Variants in PAK3 observed in about 807,000 individuals in gnomAD.
PAK3 encodes p21 (RAC1) activated kinase 3.
In PAK3, 4 loss-of-function variants were observed where a neutral mutation model predicts 41.0. The ratio of observed to expected loss-of-function variants is 0.10; its 90% confidence interval spans 0.05 to 0.22. The LOEUF (loss-of-function observed/expected upper bound fraction) is 0.22, where lower values mean the gene tolerates loss of function less well. Ranked by LOEUF, PAK3 falls within the 10% of genes least tolerant of loss-of-function variation. The pLI is 1.00. For synonymous variants in PAK3, 146 were observed against 139.6 expected (o/e 1.05, Z -0.32); for missense variants, 205 against 409.9 (o/e 0.50, Z 4.32).
chrX:110,949,575 C>T (rs2090698277), intron 1 of PAK3, among the ~76,000 whole-genome samples: 1 of 110,945 alleles, frequency 9.0e-6, no homozygotes, highest in African/African-American at 3.3e-5. Context: ...TATTGGTACA[C>T]AGCCTAGGGT....
At chrX:111,060,466 C>T (rs1031113114) in intron 1 of PAK3, among the ~76,000 whole-genome samples, 1 of 111,570 alleles carries the variant, frequency 9.0e-6, no homozygotes, top group East Asian at 2.8e-4. Flanking sequence ...AGCGTTCCCT[C>T]CTCTTCTGGT....
intron 1 of PAK3, among the ~76,000 whole-genome samples, chrX:110,985,958 A>G (rs2091535354): frequency 9.0e-6 from 1 of 111,468 alleles, no homozygotes; most frequent in African/African-American, 3.3e-5. Context: ...CTTCTCTTCA[A>G]TCTCATAATC....
chrX:111,121,866 CA>C (rs1407124687), intron 4 of PAK3, among the ~76,000 whole-genome samples: 1 of 111,006 alleles, frequency 9.0e-6, no homozygotes, highest in Admixed American at 9.6e-5. Context: ...GAGACAGAAA[CA>C]TTCCCTTGGG....
chrX:111,094,439 T>C (rs997913611), upstream of PAK3, among the ~76,000 whole-genome samples: 3 of 111,266 alleles, frequency 2.7e-5, no homozygotes, highest in Non-Finnish European at 3.8e-5. Flanking sequence ...AATACTCATA[T>C]ATGCATTAAT....
chrX:111,162,995 T>C lies in PAK3; in HGVS notation c.549T>C (p.Asp183=). The C allele has an allele frequency of 1.7e-6, 2 of 1,204,140 alleles. No homozygotes were observed. The highest frequency in any genetic ancestry group is 2.3e-4 in the Middle Eastern group (1 of 4,330). ...EEDEEEEEEE[D]ENEPPPVIAP... is the part of the protein sequence containing the mutation. ...ATGAAGAGGAAGAAGAAGAAGAAGATGAAAATGAGCCACCACCAGTTATCG... is the reference window on the plus strand; with the variant it reads ...ATGAAGAGGAAGAAGAAGAAGAAGACGAAAATGAGCCACCACCAGTTATCG... Residue 183 remains aspartate, a synonymous_variant, in exon 9 of 18, where the codon GAT becomes GAC. Coordinates refer to ENST00000372007, the MANE Select transcript of PAK3 (RefSeq NM_002578.5).
At chrX:111,059,674 C>T (rs1307988190) in intron 1 of PAK3, among the ~76,000 whole-genome samples, 1 of 110,877 alleles carries the variant, frequency 9.0e-6, no homozygotes, top group East Asian at 2.8e-4. Context: ...AAAGTTATTC[C>T]CATGTATTTT....
intron 1 of PAK3, among the ~76,000 whole-genome samples, chrX:111,019,833 CA>C (rs1158971467): frequency 9.1e-6 from 1 of 109,643 alleles, no homozygotes; most frequent in Non-Finnish European, 1.9e-5. Flanking sequence ...AAAGGCAAAT[CA>C]AAACAACAAA....
intron 1 of PAK3, among the ~76,000 whole-genome samples, chrX:111,056,114 C>T (rs1354509829): frequency 1.8e-5 from 2 of 111,768 alleles, no homozygotes; most frequent in African/African-American, 6.5e-5. Context: ...TAGTTCCAGC[C>T]CCCCAGGCAA....
chrX:111,069,776 A>G (rs772314432), intron 1 of PAK3, among the ~76,000 whole-genome samples: 11 of 111,089 alleles, frequency 9.9e-5, no homozygotes, highest in African/African-American at 3.3e-4. Flanking sequence ...TTGTTTTCCA[A>G]ATGAATAGGG....
At chrX:111,007,070 C>T (rs1393688083) in intron 1 of PAK3, among the ~76,000 whole-genome samples, 1 of 109,410 alleles carries the variant, frequency 9.1e-6, no homozygotes, top group Non-Finnish European at 1.9e-5. Flanking sequence ...ATTCCATGGG[C>T]CACCCTCAGA....
At chrX:110,981,013 G>A (rs149126359) in intron 1 of PAK3, among the ~76,000 whole-genome samples, 21 of 111,828 alleles carry the variant, frequency 1.9e-4, no homozygotes, top group Admixed American at 4.7e-4. Flanking sequence ...TCTATCACTC[G>A]TCTTAGGGAA....
At chrX:111,147,249 C>G (rs1406791777) in intron 6 of PAK3, among the ~76,000 whole-genome samples, 1 of 111,894 alleles carries the variant, frequency 8.9e-6, no homozygotes, top group East Asian at 2.8e-4. Flanking sequence ...CAAAGTATAA[C>G]CTGACCAAGG....
At chrX:111,170,026 C>G (rs2094315903) in intron 10 of PAK3, among the ~76,000 whole-genome samples, 1 of 111,157 alleles carries the variant, frequency 9.0e-6, no homozygotes, top group Non-Finnish European at 1.9e-5. Context: ...AGAGCCTTGA[C>G]TAAAGAGGGC....
Position 111,223,577 on chromosome X carries a change from C to T in PAK3, c.*3130C>T, listed in dbSNP as rs2094938341. 1 of 109,849 alleles carries T rather than the reference C, an allele frequency of 9.1e-6. No homozygotes were observed. The highest frequency in any genetic ancestry group is 4.0e-4 in the South Asian group (1 of 2,512). 9.1% of individuals were successfully genotyped at this position (109,849 alleles called of 1,213,427 possible). ...TTTCTTTCAGGCTTGTGAACTGCAC[C>T]CCAATGTTTGAGTTTAACCACCTGA... On this transcript the variant is annotated 3_prime_UTR_variant, in exon 18 of 18. Coordinates refer to ENST00000372007, the MANE Select transcript of PAK3 (RefSeq NM_002578.5).
At chrX:111,004,891 A>C (rs1270552226) in intron 1 of PAK3, among the ~76,000 whole-genome samples, 2 of 112,258 alleles carry the variant, frequency 1.8e-5, no homozygotes, top group African/African-American at 6.5e-5. Context: ...GTCAGAGGGA[A>C]TGATCTCATT....
At chrX:111,149,855 GGCTCCTT>G (rs981077499) in intron 7 of PAK3, among the ~76,000 whole-genome samples, 1 of 112,182 alleles carries the variant, frequency 8.9e-6, no homozygotes, top group African/African-American at 3.2e-5. Flanking sequence ...ATTAATATTA[GGCTCCTT>G]GCCACTTATG....
intron 1 of PAK3, among the ~76,000 whole-genome samples, chrX:111,005,826 G>GA (rs937822352): frequency 1.8e-5 from 2 of 111,684 alleles, no homozygotes; most frequent in African/African-American, 6.5e-5. Context: ...GCAGCTGTAA[G>GA]AAAAAATAGG....
chrX:111,097,169 G>A (rs1439580487), intron 1 of PAK3, among the ~76,000 whole-genome samples: 2 of 107,835 alleles, frequency 1.9e-5, no homozygotes, highest in African/African-American at 6.8e-5. Context: ...TAGCTCGCTG[G>A]GGGACATTGC....
intron 1 of PAK3, among the ~76,000 whole-genome samples, chrX:111,083,620 G>A (rs991178862): frequency 2.7e-5 from 3 of 111,681 alleles, no homozygotes; most frequent in African/African-American, 9.8e-5. Context: ...CTAAACATTC[G>A]AACTGATGAA....
Sources: gnomAD v4.1 joint callset for allele counts (sites outside exome capture counted in the v4.1 genomes callset) on GRCh38, gnomAD v4.1.1 for gene constraint, MANE v1.5 for transcripts, NCBI Gene and HGNC (gene_info 2026-07-23, HGNC 2026-07-21) for gene names.